The following GRM3 variants were observed in gnomAD, a reference collection of about 807,000 sequenced individuals.
GRM3 encodes the protein metabotropic glutamate receptor 3.
Under a neutral mutation model 70.5 loss-of-function variants are expected in GRM3, and 26 were observed. The observed-to-expected ratio is 0.37, with a 90% confidence interval of 0.27 to 0.51. The LOEUF (loss-of-function observed/expected upper bound fraction) is 0.51, where lower values mean the gene tolerates loss of function less well. GRM3 is among the 20% of genes least tolerant of loss of function. The pLI is 0.93. For synonymous variants in GRM3, 443 were observed against 434.9 expected, an observed-to-expected ratio of 1.02 and a Z score of -0.23; for missense variants, 859 against 1,123.8, an observed-to-expected ratio of 0.76 and a Z score of 3.37.
intron 5 of GRM3, among the ~76,000 whole-genome samples, chr7:86,854,703 ACC>A (rs1333685804): frequency 6.6e-6 from 1 of 152,154 alleles, no homozygotes; most frequent in Non-Finnish European, 1.5e-5. Flanking sequence ...TGTAACAGAC[ACC>A]CCAGCTGTTT....
chr7:86,849,236 C>T (rs539675081), intron 4 of GRM3, among the ~76,000 whole-genome samples: 6 of 152,224 alleles, frequency 3.9e-5, no homozygotes, highest in Non-Finnish European at 5.9e-5. Flanking sequence ...AAGGCTTTTG[C>T]ATCACAGAAT....
chr7:86,845,152 A>T (rs1798631889), intron 4 of GRM3, among the ~76,000 whole-genome samples: 1 of 152,078 alleles, frequency 6.6e-6, no homozygotes, highest in South Asian at 2.1e-4. Flanking sequence ...AGCCTCCCAA[A>T]GTGCTGGGAT....
rs115591259 is a variant in GRM3, at chr7:86,753,946, G to A, written c.-140-11060G>A. 5.4e-3 allele frequency among the ~76,000 whole-genome samples: 825 copies of A among 152,218 alleles called. 5 individuals carry two copies. The highest frequency in any genetic ancestry group is 0.018 in the African/African-American group (766 of 41,556). On this transcript the variant is annotated intron_variant, in intron 1 of 5. Coordinates refer to ENST00000361669, the MANE Select transcript of GRM3 (RefSeq NM_000840.3). Reference sequence around the variant, plus strand: ...TGAACACAGCCTTGGGAAGAGATATGTGTAATTGGTTTTTGAGAGATGGTA... The same window carrying A: ...TGAACACAGCCTTGGGAAGAGATATATGTAATTGGTTTTTGAGAGATGGTA...
At chr7:86,649,040 C>T (rs896506617) in intron 1 of GRM3, among the ~76,000 whole-genome samples, 21 of 152,068 alleles carry the variant, frequency 1.4e-4, no homozygotes, top group African/African-American at 3.6e-4. Context: ...AAGCATTCGA[C>T]GGTACATGGA....
chr7:86,655,013 G>A (rs1047291907), intron 1 of GRM3, among the ~76,000 whole-genome samples: 2 of 152,186 alleles, frequency 1.3e-5, no homozygotes, highest in Non-Finnish European at 2.9e-5. Flanking sequence ...TGAATAACTG[G>A]TTTTTCCAGG....
intron 1 of GRM3, among the ~76,000 whole-genome samples, chr7:86,705,909 A>C (rs73211647): frequency 0.045 from 5,374 of 120,548 alleles, 127 homozygotes; most frequent in Non-Finnish European, 0.067. Context: ...AAGTTTATTA[A>C]AAAATTTGGA....
chr7:86,715,906 G>A (rs1052414763), intron 1 of GRM3, among the ~76,000 whole-genome samples: 5 of 151,922 alleles, frequency 3.3e-5, no homozygotes, highest in Non-Finnish European at 5.9e-5. Context: ...GGGAAAGCTA[G>A]GGAAATTATG....
chr7:86,735,608 TA>T (rs1348591899), intron 1 of GRM3, among the ~76,000 whole-genome samples: 1 of 152,172 alleles, frequency 6.6e-6, no homozygotes, highest in Non-Finnish European at 1.5e-5. Context: ...AACAACTCTG[TA>T]AAGTGGGTAT....
At chr7:86,750,085 T>C (rs1229704509) in intron 1 of GRM3, among the ~76,000 whole-genome samples, 1 of 152,008 alleles carries the variant, frequency 6.6e-6, no homozygotes, top group Non-Finnish European at 1.5e-5. Flanking sequence ...ATGAAGAAAC[T>C]AGTGAAAAAG....
At chr7:86,811,995 T>TA (rs1414739439) in intron 3 of GRM3, among the ~76,000 whole-genome samples, 1 of 151,626 alleles carries the variant, frequency 6.6e-6, no homozygotes, top group Non-Finnish European at 1.5e-5. Flanking sequence ...AATAAGTTTC[T>TA]GTACTTACAG....
intron 2 of GRM3, among the ~76,000 whole-genome samples, chr7:86,771,827 A>G (rs865937608): frequency 6.6e-6 from 1 of 152,068 alleles, no homozygotes; most frequent in South Asian, 2.1e-4. Flanking sequence ...GATATACATA[A>G]ACAGAAAGCC....
chr7:86,750,236 A>T (rs956918519), intron 1 of GRM3, among the ~76,000 whole-genome samples: 3 of 152,084 alleles, frequency 2.0e-5, no homozygotes, highest in Admixed American at 2.0e-4. Context: ...TCTACACAGA[A>T]TTGCTGCAGC....
chr7:86,656,288 CAG>C (rs1245334382), intron 1 of GRM3, among the ~76,000 whole-genome samples: 3 of 96,048 alleles, frequency 3.1e-5, no homozygotes, highest in African/African-American at 1.3e-4. Flanking sequence ...TTTTTTGAGA[CAG>C]AGTCTTGCTG....
intron 1 of GRM3, among the ~76,000 whole-genome samples, chr7:86,708,522 T>C (rs930191114): frequency 6.6e-6 from 1 of 152,134 alleles, no homozygotes; most frequent in Non-Finnish European, 1.5e-5. Flanking sequence ...AAGCTCAGCG[T>C]TGACAACAAC....
At chr7:86,846,011 A>G (rs1798648818) in intron 4 of GRM3, among the ~76,000 whole-genome samples, 1 of 152,166 alleles carries the variant, frequency 6.6e-6, no homozygotes, top group South Asian at 2.1e-4. Flanking sequence ...TTGCTCTCTC[A>G]TCATGATAAT....
At chr7:86,742,975 A>T (rs1302271546) in intron 1 of GRM3, among the ~76,000 whole-genome samples, 2 of 152,180 alleles carry the variant, frequency 1.3e-5, no homozygotes, top group Non-Finnish European at 2.9e-5. Flanking sequence ...TATTATTCTC[A>T]CTTTACAGAT....
rs1477085052 is a variant in GRM3 at position 86,854,531 on chromosome 7, T to A, written c.2566+3987T>A. ...TAATTATATACAGTAGAAGTAAGAA[T>A]AATAAATGACACCTTAATTTTTCTC... On this transcript the variant is annotated intron_variant, in intron 5 of 5. Transcript: ENST00000361669. Among the ~76,000 whole-genome samples, 5 of 151,998 alleles carry A rather than the reference T, an allele frequency of 3.3e-5. No homozygotes were observed. In the East Asian group the frequency reaches 7.7e-4, roughly 23 times the overall value.
At chr7:86,714,093 C>A (rs534547683) in intron 1 of GRM3, among the ~76,000 whole-genome samples, 1 of 152,152 alleles carries the variant, frequency 6.6e-6, no homozygotes, top group African/African-American at 2.4e-5. Flanking sequence ...CCAGTCTCTA[C>A]TTCTCTCCCT....
chr7:86,668,192 T>A (rs1794078469), intron 1 of GRM3, among the ~76,000 whole-genome samples: 1 of 152,198 alleles, frequency 6.6e-6, no homozygotes, highest in Non-Finnish European at 1.5e-5. Context: ...TATAATATAC[T>A]GTTTCAGATA....
Sources: gnomAD v4.1 joint callset for allele counts (sites outside exome capture counted in the v4.1 genomes callset) on GRCh38, gnomAD v4.1.1 for gene constraint, MANE v1.5 for transcripts, NCBI Gene and HGNC (gene_info 2026-07-23, HGNC 2026-07-21) for gene names.